The following CLEC16A variants were observed in gnomAD, a reference collection of about 807,000 sequenced individuals.
CLEC16A encodes protein CLEC16A.
A neutral mutation model predicts 109.5 loss-of-function variants in CLEC16A; 51 were observed. That is an observed-to-expected ratio of 0.47 (90% CI 0.37 to 0.59). CLEC16A has a LOEUF of 0.59. Ranked by LOEUF, CLEC16A falls within the 20% of genes least tolerant of loss-of-function variation. The pLI is 0.00. For synonymous variants in CLEC16A, 673 were observed against 564.2 expected (o/e 1.19, Z -2.73); for missense variants, 1,339 against 1,394.0 (o/e 0.96, Z 0.63).
At chr16:11,130,449 C>A (rs566630469) in intron 22 of CLEC16A, among the ~76,000 whole-genome samples, 1 of 152,176 alleles carries the variant, frequency 6.6e-6, no homozygotes, top group Non-Finnish European at 1.5e-5. Flanking sequence ...TGTCACCAAG[C>A]GAGCAAGATG....
intron 1 of CLEC16A, among the ~76,000 whole-genome samples, chr16:10,951,770 T>G (rs2041746470): frequency 6.6e-6 from 1 of 152,272 alleles, no homozygotes; most frequent in Non-Finnish European, 1.5e-5. Context: ...TGCCGTTAAG[T>G]AGCAAGGTAA....
At chr16:11,060,840 G>T (rs1567261947) in intron 18 of CLEC16A, 62 bp from the exon 19 acceptor site, 1 of 1,450,630 alleles carries the variant, frequency 6.9e-7, no homozygotes, top group East Asian at 2.6e-5. Flanking sequence ...CTGGGTGTGG[G>T]GCATCTCACT....
intron 19 of CLEC16A, among the ~76,000 whole-genome samples, chr16:11,068,703 A>C (rs1010440504): frequency 2.0e-5 from 3 of 152,194 alleles, no homozygotes; most frequent in African/African-American, 7.2e-5. Flanking sequence ...TGGTCAGCAG[A>C]CCTATTCAGC....
intron 22 of CLEC16A, among the ~76,000 whole-genome samples, chr16:11,155,789 C>G (rs957428630): frequency 7.2e-5 from 11 of 152,222 alleles, no homozygotes; most frequent in Non-Finnish European, 1.6e-4. Flanking sequence ...TTAACTACCC[C>G]ACCCTGCAAA....
At chr16:11,011,584 C>T (rs1202197112) in intron 11 of CLEC16A, among the ~76,000 whole-genome samples, 1 of 152,120 alleles carries the variant, frequency 6.6e-6, no homozygotes, top group Non-Finnish European at 1.5e-5. Context: ...AACCATTTCT[C>T]TGGCTCCTGT....
chr16:11,176,908 T>G (rs1303769434), intron 23 of CLEC16A, among the ~76,000 whole-genome samples: 3 of 152,244 alleles, frequency 2.0e-5, no homozygotes, highest in Non-Finnish European at 2.9e-5. Flanking sequence ...TGCTGCCTGC[T>G]TTTATTTCGT....
chr16:10,969,673 T>A (rs1483497623), intron 4 of CLEC16A, among the ~76,000 whole-genome samples: 2 of 152,122 alleles, frequency 1.3e-5, no homozygotes, highest in Admixed American at 1.3e-4. Context: ...TAATGTAAAA[T>A]TCAGTTTGTT....
Position 11,055,440 on chromosome 16 carries a change from A to G in CLEC16A, c.1995+3799A>G, listed in dbSNP as rs148797882. 6.5e-3 allele frequency among the ~76,000 whole-genome samples: 990 copies of G among 152,216 alleles called. 18 individuals carry two copies. The highest frequency in any genetic ancestry group is 0.023 in the African/African-American group (941 of 41,518). ...GAACAGCACACATCCAGTCCCTGAG[A>G]TGCCACCAAGTGTGGCATGTTCAAG... On this transcript the variant is annotated intron_variant, in intron 18 of 23. Transcript: ENST00000409790.
chr16:11,142,931 C>G (rs539998692), intron 22 of CLEC16A, among the ~76,000 whole-genome samples: 1 of 152,336 alleles, frequency 6.6e-6, no homozygotes, highest in Admixed American at 6.5e-5. Flanking sequence ...CTGCCTCAGC[C>G]TTCCAAGTAG....
chr16:10,986,960 T>A (rs534846179), intron 10 of CLEC16A, among the ~76,000 whole-genome samples: 1 of 152,064 alleles, frequency 6.6e-6, no homozygotes, highest in East Asian at 1.9e-4. Context: ...TTCAAGTGAT[T>A]CTCGTGCCTC....
chr16:11,122,468 G>A (rs901352697), intron 20 of CLEC16A, among the ~76,000 whole-genome samples: 1 of 151,420 alleles, frequency 6.6e-6, no homozygotes, highest in Non-Finnish European at 1.5e-5. Flanking sequence ...GACAATGAAA[G>A]CCACATAAAC....
chr16:11,059,509 GA>G (rs1454798378), intron 18 of CLEC16A, among the ~76,000 whole-genome samples: 1 of 152,206 alleles, frequency 6.6e-6, no homozygotes, highest in Non-Finnish European at 1.5e-5. Flanking sequence ...TAAGCAGGCT[GA>G]CCAGCTCCTC....
Position 11,020,211 on chromosome 16 carries a change from T to C in CLEC16A, c.1322T>C (p.Met441Thr). The change falls in exon 12 of 24, where the codon ATG becomes ACG. Residue 441 changes from methionine to threonine, a missense_variant. Physicochemically the swap from Met to Thr is moderately conservative, Grantham distance 81 (BLOSUM62 -1). Coordinates refer to ENST00000409790, the MANE Select transcript of CLEC16A (RefSeq NM_015226.3). ...CTTCCAGAGATCGAGATGGTGATCA[T>C]GGAGCGTAGCAAGCTCTCAGAGCTG... The part of the protein sequence containing the change: ...GESEEIEMVI[M>T]ERSKLSELAA... 1 of 1,612,802 alleles carries C rather than the reference T, an allele frequency of 6.2e-7. No individual in the cohort carries two copies. Among genetic ancestry groups the C allele is most frequent in the Non-Finnish European group, 8.5e-7 (1 of 1,179,182 alleles).
At chr16:11,110,095 G>T (rs1361456319) in intron 19 of CLEC16A, among the ~76,000 whole-genome samples, 1 of 152,184 alleles carries the variant, frequency 6.6e-6, no homozygotes, top group Non-Finnish European at 1.5e-5. Context: ...CCTGTCAGAG[G>T]GGGCTGTAGG....
At chr16:11,158,133 C>T (rs2054599316) in intron 22 of CLEC16A, among the ~76,000 whole-genome samples, 1 of 152,168 alleles carries the variant, frequency 6.6e-6, no homozygotes, top group African/African-American at 2.4e-5. Context: ...GAAATAAGGC[C>T]ATGCACACTT....
intron 16 of CLEC16A, among the ~76,000 whole-genome samples, chr16:11,046,434 T>G (rs1282660866): frequency 6.6e-6 from 1 of 152,096 alleles, no homozygotes; most frequent in African/African-American, 2.4e-5. Flanking sequence ...TGAAAAAACC[T>G]AAAAAGGATC....
intron 11 of CLEC16A, among the ~76,000 whole-genome samples, chr16:11,014,014 A>G (rs752633578): frequency 4.6e-5 from 7 of 152,200 alleles, no homozygotes; most frequent in Non-Finnish European, 1.0e-4. Flanking sequence ...CTTCTTTCTC[A>G]TTCTCATTGA....
intron 10 of CLEC16A, among the ~76,000 whole-genome samples, chr16:10,989,017 T>C (rs9888873): frequency 2.0e-5 from 3 of 151,910 alleles, no homozygotes; most frequent in Non-Finnish European, 2.9e-5. Flanking sequence ...CGCCCTTCAG[T>C]GGGGTGGCTT....
At chr16:10,993,799 C>T (rs1328042411) in intron 10 of CLEC16A, among the ~76,000 whole-genome samples, 5 of 152,130 alleles carry the variant, frequency 3.3e-5, no homozygotes, top group African/African-American at 9.7e-5. Flanking sequence ...GTTCAATGCT[C>T]GTGATGATCT....
Sources: gnomAD v4.1 joint callset for allele counts (sites outside exome capture counted in the v4.1 genomes callset) on GRCh38, gnomAD v4.1.1 for gene constraint, MANE v1.5 for transcripts, NCBI Gene and HGNC (gene_info 2026-07-23, HGNC 2026-07-21) for gene names.